Variants in CORO7 observed in about 807,000 individuals in gnomAD.
CORO7 encodes coronin-7.
A neutral mutation model predicts 126.6 loss-of-function variants in CORO7; 107 were observed. The ratio of observed to expected loss-of-function variants is 0.85; its 90% CI spans 0.72 to 0.99. The LOEUF (loss-of-function observed/expected upper bound fraction) is 0.99. CORO7 is among the 50% of genes least tolerant of loss of function. The pLI is 0.00. For missense variants in CORO7, 1,314 were observed against 1,255.8 expected (o/e 1.05, Z -0.70); for synonymous variants, 603 against 536.8 (o/e 1.12, Z -1.70).
chr16:4,415,928 A>T (rs1319763814), intron 1 of CORO7: 1 of 984,206 alleles, frequency 1.0e-6, no homozygotes, highest in Admixed American at 6.1e-5. Flanking sequence ...GAGAGGAGGA[A>T]GCACCGGCGG....
chr16:4,388,393 G>C (rs1432466822), intron 8 of CORO7, 152 bp downstream of exon 8: 4 of 861,188 alleles, frequency 4.6e-6, no homozygotes, highest in Non-Finnish European at 7.1e-6. Flanking sequence ...AGTCCCCTGA[G>C]GCTCTGAGAC....
chr16:4,395,069 C>T (rs2055533779), intron 7 of CORO7, among the ~76,000 whole-genome samples: 1 of 152,200 alleles, frequency 6.6e-6, no homozygotes, highest in Non-Finnish European at 1.5e-5. Flanking sequence ...GGAAGCTTAG[C>T]TTCTGCCACC....
intron 9 of CORO7, among the ~76,000 whole-genome samples, chr16:4,378,625 CT>C (rs935349181): frequency 2.0e-5 from 3 of 152,106 alleles, no homozygotes; most frequent in African/African-American, 7.2e-5. Flanking sequence ...ACGAGCCCCC[CT>C]GGGGTGGGCT....
chr16:4,415,633 C>T (rs2056380459), intron 1 of CORO7: 1 of 856,818 alleles, frequency 1.2e-6, no homozygotes, highest in Admixed American at 6.2e-5. Context: ...CCCAGACTGC[C>T]CTGACTTGCT....
chr16:4,409,780 G>A (rs556804198), intron 3 of CORO7, among the ~76,000 whole-genome samples: 1 of 152,254 alleles, frequency 6.6e-6, no homozygotes, highest in Non-Finnish European at 1.5e-5. Flanking sequence ...CTGGGCGGAA[G>A]GGCAAGAGTG....
At chr16:4,355,518 G>T in intron 26 of CORO7, 146 bp from the exon 27 acceptor site, 4 of 841,202 alleles carry the variant, frequency 4.8e-6, no homozygotes, top group Non-Finnish European at 7.3e-6. Context: ...AGGCTGGATG[G>T]AGTGCAGTGG....
In CORO7 at chr16:4,364,406, T is replaced by C; in HGVS notation, c.1145A>G (p.Lys382Arg). ...CCGGCAGGCGGGGTTGAGGCTGACC[T>C]TCTGCACCTGCATGGAGGCCGGCAG... ...WWAGDNQQVQKVSLNPACRPH... is the reference protein window; with the variant it reads ...WWAGDNQQVQRVSLNPACRPH... Residue 382 changes from lysine (K) to arginine (R), a missense_variant, in exon 14 of 28, where the codon AAG (lysine) becomes AGG (arginine). Coordinates refer to ENST00000251166, the MANE Select transcript of CORO7 (RefSeq NM_024535.5). 1 of 1,506,484 alleles carries C rather than the reference T, an allele frequency of 6.6e-7. No individual in the cohort carries two copies. The allele number at this position is 1,506,484 out of a possible 1,614,324, so 93.3% of individuals were successfully genotyped here.
chr16:4,402,744 G>T (rs1320510569), intron 6 of CORO7, among the ~76,000 whole-genome samples: 1 of 152,206 alleles, frequency 6.6e-6, no homozygotes, highest in Non-Finnish European at 1.5e-5. Context: ...AGAGGAACTG[G>T]GCTGCAGAGG....
chr16:4,359,381 T>C lies in CORO7; in HGVS notation c.2255A>G (p.Asp752Gly). Residue 752 changes from aspartate (D) to glycine (G), a missense_variant, in exon 23 of 28, where the codon GAC (aspartate) becomes GGC (glycine). Transcript: ENST00000251166. ...CAGCTCGTACAGGAATACACGGGTG[T>C]CGCCCTGCGGGGAAGAAGGCAGGCT... ...TGLVLLTGKG[D>G]TRVFLYELLP... The C allele has an allele frequency of 6.2e-7, 1 of 1,613,566 alleles. No homozygotes were observed. The highest frequency in any genetic ancestry group is 8.5e-7 in the Non-Finnish European group (1 of 1,179,968).
rs2056275225 is a variant in CORO7, at chr16:4,413,134, C to T, written c.157+174G>A. ...AATCAAAAGCAATCAGATTACTGCGCCTGGACCAGTTTGTGGGGGTCTAAG... is the reference window on the plus strand; with the variant it reads ...AATCAAAAGCAATCAGATTACTGCGTCTGGACCAGTTTGTGGGGGTCTAAG... On this transcript the variant is annotated intron_variant, in intron 2 of 27. Transcript: ENST00000251166. 1.3e-5 allele frequency among the ~76,000 whole-genome samples: 2 copies of T among 152,140 alleles called. 1 individual carries two copies. Among genetic ancestry groups the T allele is most frequent in the South Asian group, 4.1e-4 (2 of 4,826 alleles).
intron 9 of CORO7, 104 bp downstream of exon 9, chr16:4,387,882 C>A (rs1439687494): frequency 6.9e-7 from 1 of 1,440,688 alleles, no homozygotes; most frequent in Admixed American, 2.0e-5. Context: ...CCCCAGAACA[C>A]CCCGGAGATC....
intron 9 of CORO7, among the ~76,000 whole-genome samples, chr16:4,374,282 G>GCCGGATCGCTTTC (rs931330994): frequency 2.0e-5 from 3 of 152,148 alleles, no homozygotes; most frequent in African/African-American, 7.2e-5. Context: ...TCCAGAGTCA[G>GCCGGATCGCTTTC]CCGGATCGCT....
At chr16:4,392,204 C>G (rs1413080571) in intron 7 of CORO7, among the ~76,000 whole-genome samples, 1 of 152,192 alleles carries the variant, frequency 6.6e-6, no homozygotes, top group South Asian at 2.1e-4. Context: ...TTTCCCAGAA[C>G]AGCCTGGGCT....
chr16:4,381,066 C>T (rs1337649672), intron 9 of CORO7: 2 of 1,610,422 alleles, frequency 1.2e-6, no homozygotes, highest in Middle Eastern at 1.7e-4. Flanking sequence ...TTGAGAACGG[C>T]ATCACCATGC....
intron 9 of CORO7, among the ~76,000 whole-genome samples, chr16:4,366,187 C>T (rs986912258): frequency 1.3e-5 from 2 of 152,200 alleles, no homozygotes; most frequent in African/African-American, 4.8e-5. Context: ...TCCCTGCACA[C>T]CCCAGGCCTG....
rs2054042225 is a variant in CORO7, at chr16:4,358,209, C to G, written c.2458-106G>C. 1.9e-6 allele frequency: 3 copies of G among 1,542,286 alleles called. No individual in the cohort carries two copies. The South Asian group carries it at 3.7e-5, about 19-fold the overall frequency. ...CAAGACCTGGGACCCTCCCACCAGC[C>G]TGGGGCTTCCATGAGTTTCAGCATC... On this transcript the variant is annotated intron_variant, in intron 24 of 27. Coordinates refer to ENST00000251166, the MANE Select transcript of CORO7 (RefSeq NM_024535.5).
At chr16:4,382,863 C>A in intron 9 of CORO7, 1 of 1,567,518 alleles carries the variant, frequency 6.4e-7, no homozygotes, top group Non-Finnish European at 8.6e-7. Context: ...CAGGGCCTGG[C>A]CTCCAGTCAC....
At chr16:4,384,847 C>T (rs954947326) in intron 9 of CORO7, among the ~76,000 whole-genome samples, 32 of 152,124 alleles carry the variant, frequency 2.1e-4, no homozygotes, top group African/African-American at 2.7e-4. Flanking sequence ...CTGCCTCCCC[C>T]GGCCCGTGGC....
In CORO7 at chr16:4,354,935, C is replaced by T. The variant is rs931822190; in HGVS notation, c.*223G>A. On this transcript the variant is annotated 3_prime_UTR_variant, in exon 28 of 28. Transcript: ENST00000251166. ...CCCTGCACCCCTGGCCACATGCTAG[C>T]GGGCAGCTGATGAGCAGCAGCTGAC... is the stretch of plus-strand genomic sequence containing the variant. 5 of 481,238 alleles carry T rather than the reference C, an allele frequency of 1.0e-5. No homozygotes were observed. Among genetic ancestry groups the T allele is most frequent in the East Asian group, 3.1e-5 (1 of 32,010 alleles). 29.8% of individuals were successfully genotyped at this position (481,238 alleles called of 1,614,324 possible).
Sources: allele counts gnomAD v4.1 joint callset (sites outside exome capture counted in the v4.1 genomes callset), GRCh38; gene constraint gnomAD v4.1.1; transcripts MANE v1.5; gene names NCBI Gene and HGNC (gene_info 2026-07-23, HGNC 2026-07-21).